The following CDC20B variants were observed in gnomAD, a reference collection of about 807,000 sequenced individuals.
CDC20B encodes the protein cell division cycle protein 20 homolog B.
CDC20B carries 58 observed loss-of-function variants against 64.1 expected under a neutral mutation model. The observed-to-expected ratio is 0.90, with a 90% CI of 0.73 to 1.13. The LOEUF is 1.13. Ranked by LOEUF, CDC20B falls within the 50% of genes most tolerant of loss-of-function variation. The pLI is 0.00. For synonymous variants in CDC20B, 243 were observed against 230.6 expected, an observed-to-expected ratio of 1.05 and a Z score of -0.49; for missense variants, 597 against 633.0, an observed-to-expected ratio of 0.94 and a Z score of 0.61.
At chr5:55,151,646 G>A (rs543624210) in intron 2 of CDC20B, among the ~76,000 whole-genome samples, 3 of 152,220 alleles carry the variant, frequency 2.0e-5, no homozygotes, top group Admixed American at 6.5e-5. Flanking sequence ...CGCCTTAGCA[G>A]GTCTGAGTTT....
intron 4 of CDC20B, 43 bp from the exon 5 acceptor site, chr5:55,140,450 T>C (rs887445828): frequency 5.3e-6 from 7 of 1,329,538 alleles, no homozygotes; most frequent in Middle Eastern, 3.7e-4. Flanking sequence ...TTTAAAAACA[T>C]ACATGTACAA....
In CDC20B at chr5:55,160,342, T is replaced by C. The variant is rs200586286; in HGVS notation, c.126+12246A>G. On this transcript the variant is annotated intron_variant, in intron 2 of 11. Transcript: ENST00000381375. Reference sequence around the variant, plus strand: ...CTAAAATCAACAGCTTTTATGCCTTTGAAGTGAAGGATGCAAAAGGAAGAA... The same window carrying C: ...CTAAAATCAACAGCTTTTATGCCTTCGAAGTGAAGGATGCAAAAGGAAGAA... The C allele has an allele frequency of 7.3e-5, 118 of 1,613,710 alleles. No individual in the cohort carries two copies. In the East Asian group the frequency reaches 1.9e-3, roughly 26 times the overall value.
Position 55,128,437 on chromosome 5 carries a change from C to T in CDC20B, c.878G>A (p.Ser293Asn), listed in dbSNP as rs923782740. The T allele has an allele frequency of 1.2e-6, 2 of 1,603,344 alleles. No individual in the cohort carries two copies. The highest frequency in any genetic ancestry group is 1.7e-5 in the Admixed American group (1 of 57,318). The change falls in exon 7 of 12, where the codon AGC becomes AAC. Residue 293 changes from serine to asparagine, a missense_variant. Physicochemically the swap from Ser to Asn is conservative, Grantham distance 46. Coordinates refer to ENST00000381375, the MANE Select transcript of CDC20B (RefSeq NM_001170402.1). ...GGCCAGTACTTGCACTTCTCCCTCG[C>T]TGGTGCCAACTGCCAGGCAAGTTCC... ...KEGTCLAVGT[S>N]EGEVQLWDVV...
At chr5:55,142,131 G>C (rs1336066046) in intron 4 of CDC20B, among the ~76,000 whole-genome samples, 1 of 152,124 alleles carries the variant, frequency 6.6e-6, no homozygotes, top group Non-Finnish European at 1.5e-5. Context: ...TCCTAGATGA[G>C]ATCGACTTAC....
intron 6 of CDC20B, among the ~76,000 whole-genome samples, chr5:55,132,848 A>G (rs1020385205): frequency 1.3e-5 from 2 of 152,188 alleles, no homozygotes; most frequent in African/African-American, 4.8e-5. Flanking sequence ...AACAATACCA[A>G]AAATGGTCCT....
intron 2 of CDC20B, among the ~76,000 whole-genome samples, chr5:55,153,236 C>T (rs403881): frequency 5.3e-5 from 3 of 57,132 alleles, no homozygotes; most frequent in East Asian, 5.2e-4. Flanking sequence ...CAGACCTTGT[C>T]TCATAAAAAA....
At position 55,127,313 on chromosome 5, in the gene CDC20B, C is replaced by T. The variant is rs1439564538; in HGVS notation, c.933G>A (p.Met311Ile). 1.2e-6 allele frequency: 2 copies of T among 1,614,090 alleles called. No individual in the cohort carries two copies. The highest frequency in any genetic ancestry group is 1.7e-6 in the Non-Finnish European group (2 of 1,179,972). Residue 311 changes from methionine (M) to isoleucine (I), a missense_variant, in exon 8 of 12, where the codon ATG (methionine) becomes ATA (isoleucine). Transcript: ENST00000381375. ...CCCCAACTACTGACAAATGACCAAG[C>T]ATATTTCTCAGCCGCTTTTTAGTTA... ...DVVTKKRLRN[M>I]LGHLSVVGAL... is the part of the protein sequence containing the mutation.
chr5:55,169,898 G>C (rs1224248100), intron 2 of CDC20B, among the ~76,000 whole-genome samples: 2 of 152,158 alleles, frequency 1.3e-5, no homozygotes, highest in African/African-American at 4.8e-5. Flanking sequence ...TGGATCACGA[G>C]GTCAGGAGAT....
intron 2 of CDC20B, chr5:55,170,492 C>T (rs781296729): frequency 1.1e-5 from 6 of 528,058 alleles, no homozygotes; most frequent in Non-Finnish European, 1.9e-5. Context: ...TACACATAAA[C>T]ACACACTAAT....
At chr5:55,165,900 A>T (rs1217062991) in intron 2 of CDC20B, 1 of 152,268 alleles carries the variant, frequency 6.6e-6, no homozygotes, top group Non-Finnish European at 1.5e-5. Context: ...AGGTGTTTTA[A>T]GTGACCAGGA....
chr5:55,120,483 A>C lies in CDC20B; in HGVS notation c.1283T>G (p.Leu428Ter). 1 of 1,613,820 alleles carries C rather than the reference A, an allele frequency of 6.2e-7. No homozygotes were observed. The highest frequency in any genetic ancestry group is 8.5e-7 in the Non-Finnish European group (1 of 1,179,818). ...CCCAGCATTTATATCCAAGATGTGT[A>C]AGCGTCCATCCTTCATTCCTCCTCC... ...AIGGGMKDGR[L>*]HILDINAGKS... The change falls in exon 10 of 12, where the codon TTA becomes TGA. Residue 428 changes from leucine to a stop codon, truncating the protein, a stop_gained. Transcript: ENST00000381375. LOFTEE classifies it high-confidence loss of function.
chr5:55,156,479 T>C (rs1288746460), intron 2 of CDC20B, among the ~76,000 whole-genome samples: 2 of 152,246 alleles, frequency 1.3e-5, no homozygotes, highest in African/African-American at 4.8e-5. Flanking sequence ...TCACTAATTC[T>C]GTGATCTTGG....
chr5:55,163,264 A>T (rs188637986), intron 2 of CDC20B, among the ~76,000 whole-genome samples: 1 of 152,268 alleles, frequency 6.6e-6, no homozygotes, highest in Non-Finnish European at 1.5e-5. Flanking sequence ...TCATGCATGT[A>T]ATCCCAGCAC....
chr5:55,132,446 T>C (rs1216679891), intron 6 of CDC20B, among the ~76,000 whole-genome samples: 1 of 152,166 alleles, frequency 6.6e-6, no homozygotes, highest in Non-Finnish European at 1.5e-5. Context: ...CTATGTCTGA[T>C]TGTCTCCTTT....
chr5:55,164,203 G>C (rs1212751185), intron 2 of CDC20B: 2 of 1,554,282 alleles, frequency 1.3e-6, no homozygotes, highest in Non-Finnish European at 1.7e-6. Context: ...TCATAAAAAA[G>C]AAAGAGGATC....
At chr5:55,129,855 AC>A (rs2111831540) in intron 6 of CDC20B, among the ~76,000 whole-genome samples, 2 of 152,348 alleles carry the variant, frequency 1.3e-5, no homozygotes, top group South Asian at 4.1e-4. Flanking sequence ...TAGAACAAAA[AC>A]ATCAACCAGA....
intron 9 of CDC20B, 76 bp from the exon 10 acceptor site, chr5:55,120,626 A>G: frequency 6.4e-7 from 1 of 1,568,974 alleles, no homozygotes; most frequent in Non-Finnish European, 8.7e-7. Context: ...GCACTTAGGT[A>G]AGCAGCAAGT....
chr5:55,158,821 A>G (rs1743894253), intron 2 of CDC20B, among the ~76,000 whole-genome samples: 1 of 152,226 alleles, frequency 6.6e-6, no homozygotes, highest in Non-Finnish European at 1.5e-5. Flanking sequence ...CGTTAGCAAC[A>G]GCAAAGTTAG....
chr5:55,157,171 G>C (rs560555463), intron 2 of CDC20B, among the ~76,000 whole-genome samples: 1 of 152,146 alleles, frequency 6.6e-6, no homozygotes, highest in South Asian at 2.1e-4. Context: ...CTGAAAGAGC[G>C]CTGGTGGTTT....
Sources: gnomAD v4.1 joint callset for allele counts (sites outside exome capture counted in the v4.1 genomes callset) on GRCh38, gnomAD v4.1.1 for gene constraint, MANE v1.5 for transcripts, NCBI Gene and HGNC (gene_info 2026-07-23, HGNC 2026-07-21) for gene names.